Variants in GFOD2 observed in about 807,000 individuals in gnomAD.
GFOD2 encodes Gfo/Idh/MocA-like oxidoreductase domain containing 2.
In GFOD2, 9 loss-of-function variants were observed where a neutral mutation model predicts 24.6. The observed-to-expected ratio is 0.37, with a 90% confidence interval of 0.22 to 0.64. The LOEUF (loss-of-function observed/expected upper bound fraction) is 0.64, where lower values mean the gene tolerates loss of function less well. GFOD2 is among the 30% of genes least tolerant of loss of function. The pLI is 0.65. For synonymous variants in GFOD2, 211 were observed against 224.8 expected (o/e 0.94, Z 0.55); for missense variants, 476 against 532.5 (o/e 0.89, Z 1.04).
rs570742589 is a variant in GFOD2 at position 67,711,935 on chromosome 16, T to C, written c.-88+7228A>G. Among the ~76,000 whole-genome samples the C allele has an allele frequency of 1.5e-4, 23 of 152,286 alleles. No homozygotes were observed. The South Asian group carries it at 4.1e-3, about 27-fold the overall frequency. Reference sequence around the variant, plus strand: ...TTTCCTTCAGGTCTCTACTTCCATGTTGGCTTTTCAGAAACAGGTGTATTC... The same window carrying C: ...TTTCCTTCAGGTCTCTACTTCCATGCTGGCTTTTCAGAAACAGGTGTATTC... On this transcript the variant is annotated intron_variant, in intron 1 of 2. Transcript: ENST00000268797.
chr16:67,706,733 T>C (rs1404092300), intron 1 of GFOD2, among the ~76,000 whole-genome samples: 1 of 152,068 alleles, frequency 6.6e-6, no homozygotes. Context: ...TTAAAATACA[T>C]CATTAAAAAA....
intron 1 of GFOD2, among the ~76,000 whole-genome samples, chr16:67,705,793 A>C (rs2053434782): frequency 6.6e-6 from 1 of 151,578 alleles, no homozygotes; most frequent in Admixed American, 6.6e-5. Context: ...ACAAAAAATT[A>C]GCTGGGCACG....
At chr16:67,688,363 T>A (rs1208676298) in intron 1 of GFOD2, among the ~76,000 whole-genome samples, 1 of 152,210 alleles carries the variant, frequency 6.6e-6, no homozygotes, top group Non-Finnish European at 1.5e-5. Flanking sequence ...ATGATTTTTA[T>A]TGTTTCTTTT....
rs746902284 is a variant in GFOD2 at position 67,675,806 on chromosome 16, G to A, written c.507C>T (p.Leu169=). ...TGGTGTGCAAGCCCCCGCCGCCCATGAGCTCATCACAGATCCAGCCATAGC... is the reference window on the plus strand; with the variant it reads ...TGGTGTGCAAGCCCCCGCCGCCCATAAGCTCATCACAGATCCAGCCATAGC... ...SPSYGWICDE[L]MGGGGLHTMG... Residue 169 remains leucine, a synonymous_variant, in exon 3 of 3, where the codon CTC becomes CTT. Coordinates refer to ENST00000268797, the MANE Select transcript of GFOD2 (RefSeq NM_030819.4). 5 of 1,614,056 alleles carry A rather than the reference G, an allele frequency of 3.1e-6. No individual in the cohort carries two copies. The highest frequency in any genetic ancestry group is 2.7e-5 in the African/African-American group (2 of 74,946).
At chr16:67,717,920 A>G (rs1007121813) in intron 1 of GFOD2, among the ~76,000 whole-genome samples, 4 of 152,232 alleles carry the variant, frequency 2.6e-5, no homozygotes, top group African/African-American at 9.6e-5. Context: ...TAAGGATTCG[A>G]CCAACAGAAC....
chr16:67,686,736 T>C (rs1453311963), intron 1 of GFOD2, among the ~76,000 whole-genome samples: 1 of 150,956 alleles, frequency 6.6e-6, no homozygotes, highest in East Asian at 1.9e-4. Flanking sequence ...TTCAGGAAGC[T>C]GAGGAAGGAG....
chr16:67,707,696 ATT>A (rs1021105149), intron 1 of GFOD2, among the ~76,000 whole-genome samples: 1 of 152,050 alleles, frequency 6.6e-6, no homozygotes, highest in Non-Finnish European at 1.5e-5. Context: ...CTATTAATGA[ATT>A]TTTTTCTTTT....
chr16:67,697,561 C>T (rs776401793), intron 1 of GFOD2, among the ~76,000 whole-genome samples: 28 of 152,336 alleles, frequency 1.8e-4, no homozygotes, highest in Non-Finnish European at 3.5e-4. Context: ...CAGGGTTCCA[C>T]GCCTGGCTGT....
chr16:67,689,147 C>T (rs1220554907), intron 1 of GFOD2, among the ~76,000 whole-genome samples: 1 of 151,538 alleles, frequency 6.6e-6, no homozygotes, highest in African/African-American at 2.4e-5. Flanking sequence ...TCGAGCGATT[C>T]TCCTGCCTCA....
chr16:67,709,196 A>G (rs537359216), intron 1 of GFOD2, among the ~76,000 whole-genome samples: 1 of 151,934 alleles, frequency 6.6e-6, no homozygotes, highest in Non-Finnish European at 1.5e-5. Context: ...CCAGCTACTC[A>G]GGAGAGGAGA....
At chr16:67,713,644 A>C (rs972985434) in intron 1 of GFOD2, among the ~76,000 whole-genome samples, 1 of 152,218 alleles carries the variant, frequency 6.6e-6, no homozygotes, top group Non-Finnish European at 1.5e-5. Context: ...AAAGAATATT[A>C]CAAAGGATAG....
At chr16:67,681,814 G>C in intron 2 of GFOD2, 1 of 985,208 alleles carries the variant, frequency 1.0e-6, no homozygotes, top group Non-Finnish European at 1.2e-6. Flanking sequence ...CAGAGTCTTT[G>C]GGTAGCCATG....
intron 1 of GFOD2, among the ~76,000 whole-genome samples, chr16:67,698,868 T>A (rs936353750): frequency 1.3e-5 from 2 of 152,026 alleles, no homozygotes; most frequent in African/African-American, 2.4e-5. Flanking sequence ...GGATATCAAG[T>A]AAGACATAAG....
chr16:67,675,567 T>C lies in GFOD2; in HGVS notation c.746A>G (p.His249Arg), dbSNP rs1378452191. The part of the protein sequence containing the change: ...LNFNMPGAFV[H>R]EVMVVGSAGR... Reference sequence around the variant, plus strand: ...TGCAGAGCCTACCACCATGACTTCATGCACAAAGGCGCCTGGCATGTTGAA... The same window carrying C: ...TGCAGAGCCTACCACCATGACTTCACGCACAAAGGCGCCTGGCATGTTGAA... Residue 249 changes from histidine to arginine, a missense_variant, in exon 3 of 3, where the codon CAT (histidine) becomes CGT (arginine). By Grantham distance (29) the His-to-Arg change is conservative. Coordinates refer to ENST00000268797, the MANE Select transcript of GFOD2 (RefSeq NM_030819.4). The C allele has an allele frequency of 2.5e-6, 4 of 1,613,438 alleles. No individual in the cohort carries two copies. The highest frequency in any genetic ancestry group is 3.3e-5 in the Admixed American group (2 of 60,012).
chr16:67,685,551 G>C lies in GFOD2; in HGVS notation c.165C>G (p.Ser55Arg). 2 of 1,614,170 alleles carry C rather than the reference G, an allele frequency of 1.2e-6. No individual in the cohort carries two copies. Among genetic ancestry groups the C allele is most frequent in the East Asian group, 4.5e-5 (2 of 44,862 alleles). The change falls in exon 2 of 3, where the codon AGC (serine) becomes AGG (arginine). Residue 55 changes from serine (S) to arginine (R), a missense_variant. Coordinates refer to ENST00000268797, the MANE Select transcript of GFOD2 (RefSeq NM_030819.4). Reference protein sequence around the residue: ...AEEMNIAFYTSRTDDILLHQD... With the variant: ...AEEMNIAFYTRRTDDILLHQD... ...GATGCAGCAAGATGTCATCAGTCCG[G>C]CTGGTGTAGAAGGCGATGTTCATCT...
chr16:67,705,691 C>A (rs2053434046), intron 1 of GFOD2, among the ~76,000 whole-genome samples: 1 of 152,060 alleles, frequency 6.6e-6, no homozygotes, highest in Admixed American at 6.5e-5. Context: ...GTAATCCCAG[C>A]ACTTTGGGAG....
chr16:67,700,247 T>G (rs955227899), intron 1 of GFOD2, among the ~76,000 whole-genome samples: 11 of 151,654 alleles, frequency 7.3e-5, no homozygotes, highest in African/African-American at 2.7e-4. Context: ...TGACAGTATG[T>G]GCCTGTAGTC....
chr16:67,682,756 G>C (rs2053237326), intron 2 of GFOD2: 2 of 985,396 alleles, frequency 2.0e-6, no homozygotes, highest in South Asian at 9.4e-5. Flanking sequence ...GCTCTAGCAA[G>C]GAGAGAAAAA....
chr16:67,682,581 A>G, intron 2 of GFOD2: 1 of 985,466 alleles, frequency 1.0e-6, no homozygotes, highest in South Asian at 4.7e-5. Flanking sequence ...GTAGAAGATG[A>G]AGAACATAGG....
Sources: allele counts gnomAD v4.1 joint callset (sites outside exome capture counted in the v4.1 genomes callset), GRCh38; gene constraint gnomAD v4.1.1; transcripts MANE v1.5; gene names NCBI Gene and HGNC (gene_info 2026-07-23, HGNC 2026-07-21).